Variants in SPOCK3 observed in about 807,000 individuals in gnomAD.
SPOCK3 encodes SPARC (osteonectin), cwcv and kazal like domains proteoglycan 3.
Under a neutral mutation model 56.6 loss-of-function variants are expected in SPOCK3, and 30 were observed. That is an observed-to-expected ratio of 0.53 (90% CI 0.40 to 0.72). The LOEUF (loss-of-function observed/expected upper bound fraction) is 0.72, where lower values mean the gene tolerates loss of function less well. Among genes scored for constraint, SPOCK3 ranks in the 30% least tolerant of loss-of-function variants. The pLI is 0.00. For synonymous variants in SPOCK3, 196 were observed against 183.3 expected, an observed-to-expected ratio of 1.07 and a Z score of -0.56; for missense variants, 527 against 530.0, an observed-to-expected ratio of 0.99 and a Z score of 0.06.
At chr4:167,123,999 C>A (rs1561241982) in intron 2 of SPOCK3, among the ~76,000 whole-genome samples, 2 of 152,040 alleles carry the variant, frequency 1.3e-5, no homozygotes, top group Non-Finnish European at 2.9e-5. Flanking sequence ...CCTGCCTCGG[C>A]CTCCCAAAGT....
chr4:167,135,355 T>A (rs1763025152), intron 2 of SPOCK3, among the ~76,000 whole-genome samples: 1 of 152,138 alleles, frequency 6.6e-6, no homozygotes, highest in Admixed American at 6.6e-5. Context: ...GTAGCACACA[T>A]GGGAGGAAGA....
At chr4:166,973,633 A>G (rs1745625639) in intron 4 of SPOCK3, among the ~76,000 whole-genome samples, 2 of 152,174 alleles carry the variant, frequency 1.3e-5, no homozygotes, top group Non-Finnish European at 2.9e-5. Flanking sequence ...AAATATAATT[A>G]GTATGCAATG....
At chr4:166,775,894 A>C (rs762042874) in intron 7 of SPOCK3, among the ~76,000 whole-genome samples, 4 of 152,206 alleles carry the variant, frequency 2.6e-5, no homozygotes, top group Non-Finnish European at 5.9e-5. Context: ...TATGGAACAG[A>C]TATAAATGTG....
At chr4:167,224,386 TA>T (rs1736382436) in intron 2 of SPOCK3, among the ~76,000 whole-genome samples, 1 of 152,160 alleles carries the variant, frequency 6.6e-6, no homozygotes. Flanking sequence ...AGATGTGGGA[TA>T]TTTTACTGAT....
chr4:166,878,074 G>A (rs1431854260), intron 6 of SPOCK3, among the ~76,000 whole-genome samples: 8 of 151,936 alleles, frequency 5.3e-5, no homozygotes, highest in African/African-American at 1.9e-4. Context: ...GTCAGGAGTC[G>A]AGACCAGCCT....
At position 166,991,457 on chromosome 4, in the gene SPOCK3, C is replaced by T. The variant is rs557244915; in HGVS notation, c.350+8892G>A. Among the ~76,000 whole-genome samples, 5 of 152,038 alleles carry T rather than the reference C, an allele frequency of 3.3e-5. No homozygotes were observed. The South Asian group carries it at 1.0e-3, about 32-fold the overall frequency. On this transcript the variant is annotated intron_variant, in intron 4 of 10. Transcript: ENST00000357545. ...CGATCTTGGCTCACTTTAACATTTG[C>T]CTCCCTGGCTCAGTGATTTCTCGTG...
intron 3 of SPOCK3, among the ~76,000 whole-genome samples, chr4:167,033,811 A>G (rs1027078696): frequency 2.0e-5 from 3 of 152,080 alleles, no homozygotes; most frequent in African/African-American, 7.2e-5. Context: ...AATTTACTAG[A>G]TGAAGGCACT....
At chr4:167,141,832 TA>T (rs1763558619) in intron 2 of SPOCK3, among the ~76,000 whole-genome samples, 1 of 151,858 alleles carries the variant, frequency 6.6e-6, no homozygotes. Flanking sequence ...TTCCCAAATT[TA>T]AAAGGGCTAC....
At chr4:167,116,721 GTA>G (rs1394118538) in intron 2 of SPOCK3, among the ~76,000 whole-genome samples, 1 of 128,358 alleles carries the variant, frequency 7.8e-6, no homozygotes, top group Non-Finnish European at 1.6e-5. Flanking sequence ...TAGTATATAT[GTA>G]TATATACACA....
chr4:166,991,830 A>T (rs775396128), intron 4 of SPOCK3, among the ~76,000 whole-genome samples: 6 of 152,206 alleles, frequency 3.9e-5, no homozygotes, highest in African/African-American at 7.2e-5. Context: ...TTGACAATAC[A>T]TGTCAATATT....
chr4:166,777,529 C>A (rs892683365), intron 7 of SPOCK3, among the ~76,000 whole-genome samples: 11 of 152,182 alleles, frequency 7.2e-5, no homozygotes, highest in African/African-American at 2.4e-4. Context: ...TTAATCCCAG[C>A]GCTTTGTGAG....
chr4:166,831,461 C>T (rs1294784411), intron 6 of SPOCK3, among the ~76,000 whole-genome samples: 1 of 152,020 alleles, frequency 6.6e-6, no homozygotes, highest in African/African-American at 2.4e-5. Flanking sequence ...TTTTATTAAA[C>T]TATATAGGAT....
chr4:167,086,039 T>C (rs1429730436), intron 2 of SPOCK3, among the ~76,000 whole-genome samples: 2 of 152,080 alleles, frequency 1.3e-5, no homozygotes, highest in Non-Finnish European at 2.9e-5. Context: ...AACTTTCTTT[T>C]TACAGTTCTT....
chr4:166,971,900 C>A (rs956459079), intron 4 of SPOCK3, among the ~76,000 whole-genome samples: 1 of 152,054 alleles, frequency 6.6e-6, no homozygotes, highest in Admixed American at 6.6e-5. Flanking sequence ...CAGTATCTTT[C>A]GAATGAAGGT....
At chr4:166,819,024 TG>T (rs1744658376) in intron 6 of SPOCK3, among the ~76,000 whole-genome samples, 1 of 152,064 alleles carries the variant, frequency 6.6e-6, no homozygotes, top group South Asian at 2.1e-4. Flanking sequence ...AATACTCTCC[TG>T]GTAATATTTG....
intron 5 of SPOCK3, among the ~76,000 whole-genome samples, chr4:166,895,453 A>AT (rs370638713): frequency 8.6e-5 from 13 of 151,782 alleles, no homozygotes; most frequent in African/African-American, 2.7e-4. Context: ...TAAAAAAAGA[A>AT]TGCAAGTAGC....
At chr4:166,753,168 CA>C (rs3833518) in intron 8 of SPOCK3, among the ~76,000 whole-genome samples, 119,821 of 151,616 alleles carry the variant, frequency 0.79, 47,582 homozygotes, top group South Asian at 0.82. Flanking sequence ...GTATAGACAC[CA>C]AAAAATATGC....
chr4:167,092,618 A>C (rs1045957660), intron 2 of SPOCK3, among the ~76,000 whole-genome samples: 9 of 152,180 alleles, frequency 5.9e-5, no homozygotes, highest in African/African-American at 2.2e-4. Flanking sequence ...CCGAAATATG[A>C]ATTTTAGACA....
At chr4:166,835,614 G>A (rs966651139) in intron 6 of SPOCK3, among the ~76,000 whole-genome samples, 11 of 151,996 alleles carry the variant, frequency 7.2e-5, no homozygotes, top group African/African-American at 2.7e-4. Context: ...TAGCTTCAGT[G>A]GGCTATACGT....
Sources: gnomAD v4.1 joint callset for allele counts (sites outside exome capture counted in the v4.1 genomes callset) on GRCh38, gnomAD v4.1.1 for gene constraint, MANE v1.5 for transcripts, NCBI Gene and HGNC (gene_info 2026-07-23, HGNC 2026-07-21) for gene names.